ARHGAP15: variants seen among roughly 807,000 people sequenced by gnomAD.
The protein encoded by ARHGAP15 is Rho GTPase activating protein 15, also known as rho GTPase-activating protein 15.
In ARHGAP15, 51 loss-of-function variants were observed where a neutral mutation model predicts 63.7. The ratio of observed to expected loss-of-function variants is 0.80; its 90% confidence interval spans 0.64 to 1.01. The LOEUF (loss-of-function observed/expected upper bound fraction) is 1.01, where lower values mean the gene tolerates loss of function less well. Ranked by LOEUF, ARHGAP15 falls within the 50% of genes least tolerant of loss-of-function variation. The probability of loss-of-function intolerance (pLI) is 0.00; values close to 1 mark genes in which losing one functional copy is unlikely to be tolerated. For synonymous variants in ARHGAP15, 191 were observed against 193.8 expected (o/e 0.99, Z 0.12); for missense variants, 560 against 564.6 (o/e 0.99, Z 0.08).
intron 11 of ARHGAP15, among the ~76,000 whole-genome samples, chr2:143,580,406 C>T (rs762687668): frequency 2.6e-5 from 4 of 152,142 alleles, no homozygotes; most frequent in Admixed American, 2.6e-4. Flanking sequence ...CAACACGAAT[C>T]TTATGCTCCT....
chr2:143,524,622 T>C (rs576279692), intron 10 of ARHGAP15, among the ~76,000 whole-genome samples: 1 of 152,338 alleles, frequency 6.6e-6, no homozygotes. Flanking sequence ...TGGTAATTCC[T>C]CTACTGTTAG....
intron 6 of ARHGAP15, among the ~76,000 whole-genome samples, chr2:143,421,766 GTATATATATA>G (rs59677710): frequency 0.013 from 1,406 of 109,022 alleles, 18 homozygotes; most frequent in African/African-American, 0.045. Context: ...TGCACATGGT[GTATATATATA>G]TATATATATA....
At chr2:143,385,278 A>G (rs757090056) in intron 6 of ARHGAP15, among the ~76,000 whole-genome samples, 3 of 152,176 alleles carry the variant, frequency 2.0e-5, no homozygotes, top group Non-Finnish European at 4.4e-5. Context: ...TCATGAAGAC[A>G]AGATAAATAG....
chr2:143,726,202 C>T (rs564406244), intron 13 of ARHGAP15, among the ~76,000 whole-genome samples: 25 of 152,180 alleles, frequency 1.6e-4, no homozygotes, highest in Non-Finnish European at 2.4e-4. Flanking sequence ...TAAACAAATA[C>T]CAGTTGGAAA....
intron 6 of ARHGAP15, among the ~76,000 whole-genome samples, chr2:143,363,509 A>G (rs536448590): frequency 6.6e-6 from 1 of 152,318 alleles, no homozygotes; most frequent in South Asian, 2.1e-4. Context: ...AAAGAAAAAA[A>G]GAATGAAAAA....
At chr2:143,688,099 C>A (rs1683431193) in intron 12 of ARHGAP15, among the ~76,000 whole-genome samples, 1 of 152,036 alleles carries the variant, frequency 6.6e-6, no homozygotes, top group African/African-American at 2.4e-5. Context: ...TTTGTTTTAT[C>A]CTAGCCTGCT....
intron 6 of ARHGAP15, among the ~76,000 whole-genome samples, chr2:143,376,601 G>A (rs1011620936): frequency 1.3e-5 from 2 of 152,124 alleles, no homozygotes; most frequent in Middle Eastern, 3.4e-3. Flanking sequence ...AACATGTACC[G>A]TGGAAGCTAA....
Position 143,540,563 on chromosome 2 carries a change from G to A in ARHGAP15, c.926-15845G>A, listed in dbSNP as rs539330770. Among the ~76,000 whole-genome samples the A allele has an allele frequency of 1.1e-3, 172 of 152,206 alleles. 3 individuals are homozygous for A. Among genetic ancestry groups the A allele is most frequent in the Non-Finnish European group, 1.4e-3 (95 of 67,994 alleles). On this transcript the variant is annotated intron_variant, in intron 10 of 13. Coordinates refer to ENST00000295095, the MANE Select transcript of ARHGAP15 (RefSeq NM_018460.4). ...TGCTTCCTTCAGGAGCTCCTTTAAG[G>A]CAGGCCTGGTGGTGACAAAATCTCT...
At chr2:143,694,479 A>G (rs548589788) in intron 12 of ARHGAP15, among the ~76,000 whole-genome samples, 1 of 152,224 alleles carries the variant, frequency 6.6e-6, no homozygotes, top group Admixed American at 6.5e-5. Context: ...TTTTTTTCCG[A>G]TGATAACAGT....
intron 13 of ARHGAP15, among the ~76,000 whole-genome samples, chr2:143,711,091 TTA>T (rs1371774663): frequency 1.3e-5 from 2 of 152,162 alleles, no homozygotes; most frequent in African/African-American, 4.8e-5. Context: ...ATCTATTTGT[TTA>T]TGTTTTGCCT....
At chr2:143,718,891 C>G (rs969680275) in intron 13 of ARHGAP15, among the ~76,000 whole-genome samples, 1 of 152,214 alleles carries the variant, frequency 6.6e-6, no homozygotes, top group African/African-American at 2.4e-5. Flanking sequence ...TGGAAGCTTC[C>G]CTTCCCATGT....
At chr2:143,475,618 G>A (rs1447696161) in intron 8 of ARHGAP15, among the ~76,000 whole-genome samples, 1 of 152,182 alleles carries the variant, frequency 6.6e-6, no homozygotes, top group Admixed American at 6.5e-5. Flanking sequence ...CCAAGAGCAT[G>A]GGCCCCAGGC....
intron 5 of ARHGAP15, among the ~76,000 whole-genome samples, chr2:143,235,517 T>C (rs1280187128): frequency 1.3e-5 from 2 of 152,172 alleles, no homozygotes; most frequent in Non-Finnish European, 2.9e-5. Context: ...GAGTGACAAA[T>C]TTTTAATAAG....
At chr2:143,243,171 A>G (rs915930696) in intron 5 of ARHGAP15, among the ~76,000 whole-genome samples, 6 of 152,190 alleles carry the variant, frequency 3.9e-5, no homozygotes, top group South Asian at 2.1e-4. Flanking sequence ...CTTAATATAC[A>G]TTAAAAGACT....
intron 1 of ARHGAP15, among the ~76,000 whole-genome samples, chr2:143,144,740 AC>A (rs1459288319): frequency 6.6e-6 from 1 of 151,862 alleles, no homozygotes; most frequent in Non-Finnish European, 1.5e-5. Context: ...TATTGCCCAT[AC>A]CCCTACCCCT....
At chr2:143,480,348 A>C (rs1692021656) in intron 8 of ARHGAP15, among the ~76,000 whole-genome samples, 1 of 152,224 alleles carries the variant, frequency 6.6e-6, no homozygotes, top group African/African-American at 2.4e-5. Context: ...AAAGTTGATA[A>C]TGCAGTCTAA....
intron 6 of ARHGAP15, among the ~76,000 whole-genome samples, chr2:143,334,741 T>C (rs1208020414): frequency 1.3e-5 from 2 of 152,258 alleles, no homozygotes; most frequent in Admixed American, 6.5e-5. Flanking sequence ...CTAAAATATT[T>C]GTTCATATTT....
intron 8 of ARHGAP15, among the ~76,000 whole-genome samples, chr2:143,447,483 C>T (rs888290781): frequency 6.6e-6 from 1 of 152,120 alleles, no homozygotes; most frequent in Non-Finnish European, 1.5e-5. Context: ...AAGGGATGCC[C>T]ACCATGTTCA....
chr2:143,384,086 C>T (rs1687168981), intron 6 of ARHGAP15, among the ~76,000 whole-genome samples: 1 of 152,082 alleles, frequency 6.6e-6, no homozygotes, highest in Non-Finnish European at 1.5e-5. Context: ...TATTCCTCTA[C>T]TTGGAAATAG....
Sources: gnomAD v4.1 joint callset for allele counts (sites outside exome capture counted in the v4.1 genomes callset) on GRCh38, gnomAD v4.1.1 for gene constraint, MANE v1.5 for transcripts, NCBI Gene and HGNC (gene_info 2026-07-23, HGNC 2026-07-21) for gene names.